ARB2A: variants seen among roughly 807,000 people sequenced by gnomAD.
The protein encoded by ARB2A is ARB2 cotranscriptional regulator A.
the ARB2A span, chr5:93,805,421 T>G: frequency 1.0e-6 from 1 of 985,110 alleles, no homozygotes; most frequent in Non-Finnish European, 1.2e-6. Context: ...CCCAGAAATG[T>G]TTAGAGTGTA....
the ARB2A span, among the ~76,000 whole-genome samples, chr5:93,918,020 T>C: frequency 6.6e-6 from 1 of 152,214 alleles, no homozygotes; most frequent in African/African-American, 2.4e-5. Flanking sequence ...TTAAGCCACA[T>C]TTATAGTTTT....
chr5:93,758,637 G>A, the ARB2A span, among the ~76,000 whole-genome samples: 196 of 152,202 alleles, frequency 1.3e-3, 3 homozygotes, highest in Admixed American at 9.4e-3. Context: ...ACCTGTTCCC[G>A]AATGAACATT....
At chr5:93,880,231 T>C in the ARB2A span, among the ~76,000 whole-genome samples, 1 of 151,754 alleles carries the variant, frequency 6.6e-6, no homozygotes, top group Admixed American at 6.6e-5. Flanking sequence ...GGATACATTT[T>C]TGGGGTCTTG....
the ARB2A span, among the ~76,000 whole-genome samples, chr5:93,760,572 G>C: frequency 5.3e-5 from 8 of 152,176 alleles, no homozygotes; most frequent in African/African-American, 1.9e-4. Flanking sequence ...CAATGGAACA[G>C]AATAGAGAAC....
the ARB2A span, among the ~76,000 whole-genome samples, chr5:93,895,250 T>C: frequency 2.0e-5 from 3 of 152,214 alleles, no homozygotes; most frequent in African/African-American, 7.2e-5. Context: ...CTTCAGGCCA[T>C]CAGGCGTTCA....
the ARB2A span, chr5:94,053,176 G>T: frequency 6.2e-7 from 1 of 1,600,570 alleles, no homozygotes; most frequent in Non-Finnish European, 8.5e-7. Context: ...AAAATCAAGA[G>T]GCGGTTCATC....
chr5:93,764,589 G>A, the ARB2A span, among the ~76,000 whole-genome samples: 1 of 152,152 alleles, frequency 6.6e-6, no homozygotes, highest in Non-Finnish European at 1.5e-5. Context: ...GGACCAGACA[G>A]ATTCACAGCC....
the ARB2A span, among the ~76,000 whole-genome samples, chr5:94,009,985 G>T: frequency 6.6e-6 from 1 of 150,804 alleles, no homozygotes; most frequent in African/African-American, 2.4e-5. Context: ...TAACACTGAA[G>T]AACTGGCTTT....
the ARB2A span, among the ~76,000 whole-genome samples, chr5:93,640,062 T>G: frequency 1.4e-5 from 1 of 70,452 alleles, no homozygotes; most frequent in African/African-American, 7.5e-5. Context: ...AGACTCTGTC[T>G]CCAAAAAAAA....
the ARB2A span, among the ~76,000 whole-genome samples, chr5:93,825,031 G>C: frequency 1.3e-5 from 2 of 152,100 alleles, no homozygotes; most frequent in African/African-American, 4.8e-5. Context: ...ATTGTGCTTT[G>C]TCTTCAGGAT....
chr5:93,656,575 C>A, the ARB2A span, among the ~76,000 whole-genome samples: 2 of 152,232 alleles, frequency 1.3e-5, no homozygotes, highest in African/African-American at 4.8e-5. Flanking sequence ...ACTATTCACA[C>A]TTACTTTGGA....
At chr5:94,095,898 T>C in the ARB2A span, among the ~76,000 whole-genome samples, 2 of 152,092 alleles carry the variant, frequency 1.3e-5, no homozygotes, top group South Asian at 2.1e-4. Context: ...TGCTCATTTA[T>C]CTCTCCCGCT....
chr5:93,909,885 T>C, the ARB2A span, among the ~76,000 whole-genome samples: 1 of 150,948 alleles, frequency 6.6e-6, no homozygotes, highest in Non-Finnish European at 1.5e-5. Context: ...GAAAGATAAT[T>C]ATCTATTATT....
the ARB2A span, among the ~76,000 whole-genome samples, chr5:93,850,938 T>C: frequency 6.6e-6 from 1 of 152,196 alleles, no homozygotes; most frequent in African/African-American, 2.4e-5. Context: ...CAGTATATTT[T>C]CTATTAAGTA....
chr5:93,893,409 T>A, the ARB2A span, among the ~76,000 whole-genome samples: 2 of 152,154 alleles, frequency 1.3e-5, no homozygotes, highest in Non-Finnish European at 2.9e-5. Context: ...ACTGGCAGAC[T>A]GTGGTGGGTT....
chr5:94,076,903 CTGGTTTAACAAAGGTAAAATT>C, the ARB2A span, among the ~76,000 whole-genome samples: 1 of 152,108 alleles, frequency 6.6e-6, no homozygotes, highest in Non-Finnish European at 1.5e-5. Flanking sequence ...GTCATTGTGA[CTGGTTTAACAAAGGTAAAATT>C]ATAAATATGT....
At chr5:93,755,410 T>C in the ARB2A span, among the ~76,000 whole-genome samples, 5 of 152,204 alleles carry the variant, frequency 3.3e-5, no homozygotes, top group African/African-American at 1.2e-4. Context: ...CAGGACTGGA[T>C]TGCAGCTCTG....
the ARB2A span, among the ~76,000 whole-genome samples, chr5:94,038,379 C>T: frequency 1.3e-5 from 2 of 152,106 alleles, no homozygotes; most frequent in Non-Finnish European, 1.5e-5. Flanking sequence ...GTTACCACTT[C>T]ACACCACTCT....
chr5:93,731,408 A>T, the ARB2A span, among the ~76,000 whole-genome samples: 1 of 152,288 alleles, frequency 6.6e-6, no homozygotes, highest in East Asian at 1.9e-4. Flanking sequence ...TCCTTCCCTC[A>T]AAACCCTCAC....
Sources: allele counts gnomAD v4.1 joint callset (sites outside exome capture counted in the v4.1 genomes callset), GRCh38; gene constraint gnomAD v4.1.1; transcripts MANE v1.5; gene names NCBI Gene and HGNC (gene_info 2026-07-23, HGNC 2026-07-21).